CASD1: variants seen among roughly 807,000 people sequenced by gnomAD.
CASD1 encodes the protein N-acetylneuraminate (7)9-O-acetyltransferase.
In CASD1, 41 loss-of-function variants were observed where a neutral mutation model predicts 100.0. The ratio of observed to expected loss-of-function variants is 0.41; its 90% CI spans 0.32 to 0.53. CASD1 has a LOEUF of 0.53. Ranked by LOEUF, CASD1 falls within the 20% of genes least tolerant of loss-of-function variation. The pLI is 0.25. For synonymous variants in CASD1, 321 were observed against 315.6 expected, an observed-to-expected ratio of 1.02 and a Z score of -0.18; for missense variants, 774 against 948.7, an observed-to-expected ratio of 0.82 and a Z score of 2.42.
chr7:94,544,599 A>C, intron 11 of CASD1, 69 bp downstream of exon 11: 2 of 1,482,370 alleles, frequency 1.3e-6, no homozygotes, highest in East Asian at 4.6e-5. Context: ...TTAACTTGAG[A>C]AAAAAATATA....
chr7:94,533,616 A>G, intron 6 of CASD1, 63 bp from the exon 7 acceptor site: 1 of 1,272,048 alleles, frequency 7.9e-7, no homozygotes, highest in Non-Finnish European at 1.1e-6. Context: ...CAGTAGGTAA[A>G]TTATATACTT....
At chr7:94,604,806 AATAT>A in the CASD1 span, among the ~76,000 whole-genome samples, 261 of 44,058 alleles carry the variant, frequency 5.9e-3, 1 homozygote, top group African/African-American at 7.4e-3. Context: ...ATGGTGCTGG[AATAT>A]ATATATATAT....
chr7:94,567,145 T>C, the CASD1 span, among the ~76,000 whole-genome samples: 5 of 152,286 alleles, frequency 3.3e-5, no homozygotes, highest in South Asian at 1.0e-3. Flanking sequence ...TACAGATTTA[T>C]TTCCTATTGG....
At chr7:94,553,007 A>C (rs1796024037) in intron 16 of CASD1, 1 of 224,938 alleles carries the variant, frequency 4.4e-6, no homozygotes, top group Admixed American at 5.2e-5. Flanking sequence ...GTGGTTACCA[A>C]ATCAGACATA....
Position 94,515,939 on chromosome 7 carries a change from A to G in CASD1, c.134-1621A>G, listed in dbSNP as rs1793958315. ...ATTTGCTAGGTTTTAATAAGATTTT[A>G]CCATATGGCCATTATAAAAGAATGC... On this transcript the variant is annotated intron_variant, in intron 1 of 17. Coordinates refer to ENST00000297273, the MANE Select transcript of CASD1 (RefSeq NM_022900.5). Among the ~76,000 whole-genome samples, 4 of 152,150 alleles carry G rather than the reference A, an allele frequency of 2.6e-5. No individual in the cohort carries two copies. The South Asian group carries it at 8.3e-4, about 31-fold the overall frequency.
chr7:94,565,525 T>C, the CASD1 span, among the ~76,000 whole-genome samples: 1 of 152,174 alleles, frequency 6.6e-6, no homozygotes, highest in African/African-American at 2.4e-5. Flanking sequence ...AATAACCCAC[T>C]GACTTAACTG....
intron 10 of CASD1, among the ~76,000 whole-genome samples, chr7:94,542,619 A>C (rs1040965889): frequency 1.3e-5 from 2 of 152,134 alleles, no homozygotes; most frequent in African/African-American, 4.8e-5. Flanking sequence ...GGTAGCTTTT[A>C]CGTATAGTTA....
the CASD1 span, among the ~76,000 whole-genome samples, chr7:94,612,540 C>T: frequency 1.5e-4 from 23 of 151,984 alleles, no homozygotes; most frequent in Admixed American, 7.9e-4. Flanking sequence ...TGATTTATTC[C>T]GCAATTATTT....
chr7:94,599,829 C>G, the CASD1 span: 2 of 878,366 alleles, frequency 2.3e-6, no homozygotes, highest in Admixed American at 3.5e-5. Context: ...CTGACATTGT[C>G]ACTATTAAAT....
chr7:94,517,531 T>C, intron 1 of CASD1, 29 bp from the exon 2 acceptor site: 2 of 1,412,558 alleles, frequency 1.4e-6, no homozygotes, highest in Non-Finnish European at 2.0e-6. Flanking sequence ...AACTATTGTT[T>C]ACAACACTGT....
At chr7:94,599,894 T>A in the CASD1 span, 1 of 584,160 alleles carries the variant, frequency 1.7e-6, no homozygotes, top group Non-Finnish European at 3.1e-6. Flanking sequence ...TGAGTACACA[T>A]ACAGCGATGG....
At chr7:94,607,208 T>G in the CASD1 span, among the ~76,000 whole-genome samples, 1 of 152,188 alleles carries the variant, frequency 6.6e-6, no homozygotes, top group Non-Finnish European at 1.5e-5. Flanking sequence ...CACTGTTGAA[T>G]TCTACTAGAC....
At chr7:94,559,842 C>A (rs1449891678), downstream of CASD1, among the ~76,000 whole-genome samples, 2 of 152,168 alleles carry the variant, frequency 1.3e-5, no homozygotes, top group East Asian at 3.9e-4. Context: ...TATTAAAATT[C>A]TTATTTGGAA....
intron 8 of CASD1, among the ~76,000 whole-genome samples, chr7:94,537,038 A>G (rs1037104217): frequency 2.0e-5 from 3 of 152,000 alleles, no homozygotes; most frequent in African/African-American, 4.8e-5. Flanking sequence ...GTGGCCTGGT[A>G]TCTTCTGTTT....
chr7:94,545,452 C>A, intron 11 of CASD1, 93 bp from the exon 12 acceptor site: 2 of 859,342 alleles, frequency 2.3e-6, no homozygotes, highest in Admixed American at 2.1e-5. Context: ...GCCATTTATA[C>A]TCTGTCAGAG....
chr7:94,595,295 A>G, the CASD1 span, among the ~76,000 whole-genome samples: 29 of 152,188 alleles, frequency 1.9e-4, no homozygotes, highest in Non-Finnish European at 3.5e-4. Flanking sequence ...ACTTGTTTAA[A>G]GGAACAAACT....
chr7:94,628,161 C>A, the CASD1 span: 1 of 1,488,632 alleles, frequency 6.7e-7, no homozygotes, highest in Admixed American at 1.7e-5. Context: ...CACACACACA[C>A]ACATATATGT....
chr7:94,510,013 C>G lies in CASD1; in HGVS notation c.-72C>G, dbSNP rs1793606448. 3.0e-6 allele frequency: 4 copies of G among 1,315,974 alleles called. No homozygotes were observed. Among genetic ancestry groups the G allele is most frequent in the Non-Finnish European group, 3.9e-6 (4 of 1,018,630 alleles). 81.5% of individuals were successfully genotyped at this position (1,315,974 alleles called of 1,614,324 possible). Reference sequence around the variant, plus strand: ...GCTCCTCGCCTGGCTGCAGCGGCGGCAGCCCCAGTGCTGCCCCTGTGCGGC... The same window carrying G: ...GCTCCTCGCCTGGCTGCAGCGGCGGGAGCCCCAGTGCTGCCCCTGTGCGGC... On this transcript the variant is annotated 5_prime_UTR_variant, in exon 1 of 18. Transcript: ENST00000297273.
the CASD1 span, among the ~76,000 whole-genome samples, chr7:94,601,409 CCTATCCCAGTCTTACTTAATT>C: frequency 7.7e-6 from 1 of 129,782 alleles, no homozygotes; most frequent in African/African-American, 3.0e-5. Flanking sequence ...GAATATGGAA[CCTATCCCAGTCTTACTTAATT>C]CTATCCCAGT....
Sources: gnomAD v4.1 joint callset for allele counts (sites outside exome capture counted in the v4.1 genomes callset) on GRCh38, gnomAD v4.1.1 for gene constraint, MANE v1.5 for transcripts, NCBI Gene and HGNC (gene_info 2026-07-23, HGNC 2026-07-21) for gene names.